The following PCDHA10 variants were observed in gnomAD, a reference collection of about 807,000 sequenced individuals.
PCDHA10 encodes the protein protocadherin alpha-10.
A neutral mutation model predicts 61.2 loss-of-function variants in PCDHA10; 45 were observed. That is an observed-to-expected ratio of 0.74 (90% confidence interval 0.58 to 0.94). PCDHA10 has a LOEUF of 0.94. Among genes scored for constraint, PCDHA10 ranks in the 40% least tolerant of loss-of-function variants. PCDHA10 has a pLI of 0.00. For missense variants in PCDHA10, 1,278 were observed against 1,236.2 expected, an observed-to-expected ratio of 1.03 and a Z score of -0.51; for synonymous variants, 602 against 548.8, an observed-to-expected ratio of 1.10 and a Z score of -1.35.
chr5:140,956,921 G>T (rs2095321008), intron 1 of PCDHA10, among the ~76,000 whole-genome samples: 1 of 151,968 alleles, frequency 6.6e-6, no homozygotes, highest in Admixed American at 6.6e-5. Context: ...CTTTAATCTT[G>T]CTGGATATAG....
At chr5:140,996,596 C>T (rs1343501273) in intron 3 of PCDHA10, among the ~76,000 whole-genome samples, 1 of 152,156 alleles carries the variant, frequency 6.6e-6, no homozygotes, top group Non-Finnish European at 1.5e-5. Flanking sequence ...CCGCCTCCCC[C>T]CATTTTCATT....
At chr5:140,978,301 C>T (rs1554239160) in intron 1 of PCDHA10, among the ~76,000 whole-genome samples, 1 of 152,168 alleles carries the variant, frequency 6.6e-6, no homozygotes, top group Admixed American at 6.5e-5. Flanking sequence ...GGAAAGCACT[C>T]AGGAAGGAGC....
At chr5:140,882,385 A>G in intron 1 of PCDHA10, 1 of 1,614,234 alleles carries the variant, frequency 6.2e-7, no homozygotes, top group Non-Finnish European at 8.5e-7. Flanking sequence ...CCGAGGAAGC[A>G]AAACACGGCA....
chr5:140,975,588 A>G (rs2096673583), intron 1 of PCDHA10, among the ~76,000 whole-genome samples: 1 of 152,210 alleles, frequency 6.6e-6, no homozygotes, highest in South Asian at 2.1e-4. Context: ...CATGTCCCAG[A>G]GGGCAATTTG....
chr5:140,875,450 C>A, intron 1 of PCDHA10: 1 of 1,590,616 alleles, frequency 6.3e-7, no homozygotes, highest in Non-Finnish European at 8.6e-7. Context: ...ATTGTCCCAA[C>A]TCAGAGGCCC....
At chr5:140,919,945 A>G (rs1456572905) in intron 1 of PCDHA10, among the ~76,000 whole-genome samples, 1 of 151,572 alleles carries the variant, frequency 6.6e-6, no homozygotes, top group Non-Finnish European at 1.5e-5. Flanking sequence ...ATTCCAGTGA[A>G]AAGTTTGTTT....
chr5:140,966,113 A>T (rs1224729629), intron 1 of PCDHA10: 1 of 155,768 alleles, frequency 6.4e-6, no homozygotes, highest in African/African-American at 2.4e-5. Flanking sequence ...GGGTGCCCAT[A>T]CTTAGCTAAG....
intron 1 of PCDHA10, among the ~76,000 whole-genome samples, chr5:140,969,822 G>C (rs559271640): frequency 2.0e-5 from 3 of 152,202 alleles, no homozygotes; most frequent in Non-Finnish European, 4.4e-5. Context: ...ACTCTGGACT[G>C]TCTACAGTGG....
intron 3 of PCDHA10, among the ~76,000 whole-genome samples, chr5:141,008,339 C>T (rs782805145): frequency 1.1e-4 from 16 of 152,176 alleles, no homozygotes; most frequent in Non-Finnish European, 1.5e-4. Context: ...TTTGATGGAG[C>T]TTTTCACGTG....
chr5:140,882,770 T>C (rs781904504), intron 1 of PCDHA10: 4 of 1,614,144 alleles, frequency 2.5e-6, no homozygotes, highest in Non-Finnish European at 3.4e-6. Flanking sequence ...AAACTCGGCA[T>C]TGACCTACCG....
At chr5:140,877,745 T>C (rs1554170071) in intron 1 of PCDHA10, 3 of 1,614,108 alleles carry the variant, frequency 1.9e-6, no homozygotes, top group Non-Finnish European at 2.5e-6. Context: ...AGGCAGAGGG[T>C]GTGCTCTGCA....
chr5:141,000,371 CT>C (rs2153963893), intron 3 of PCDHA10, among the ~76,000 whole-genome samples: 1 of 49,262 alleles, frequency 2.0e-5, no homozygotes, highest in East Asian at 6.6e-4. Context: ...GTCTCTCTCT[CT>C]CTCTCTCTCT....
chr5:140,929,140 C>T, intron 1 of PCDHA10: 1 of 1,614,176 alleles, frequency 6.2e-7, no homozygotes, highest in Non-Finnish European at 8.5e-7. Context: ...AGTTGAGAGA[C>T]TTTCTCAGAC....
intron 1 of PCDHA10, chr5:140,870,544 G>T: frequency 6.2e-7 from 1 of 1,614,124 alleles, no homozygotes. Context: ...GGCGCGGGAC[G>T]CGGACGCGCA....
At chr5:141,000,412 TATA>T (rs2097919742) in intron 3 of PCDHA10, among the ~76,000 whole-genome samples, 3 of 102,806 alleles carry the variant, frequency 2.9e-5, no homozygotes, top group African/African-American at 7.7e-5. Flanking sequence ...TATATATATA[TATA>T]TATATATTTT....
intron 1 of PCDHA10, chr5:140,866,360 T>C (rs2049301570): frequency 6.6e-6 from 1 of 152,128 alleles, no homozygotes; most frequent in South Asian, 2.1e-4. Context: ...GTTTACAATA[T>C]TGCATACTTC....
chr5:140,883,352 G>T (rs1554177776), intron 1 of PCDHA10: 1 of 1,614,164 alleles, frequency 6.2e-7, no homozygotes, highest in South Asian at 1.1e-5. Flanking sequence ...CATCAGAGAA[G>T]ACACTCAGCC....
At chr5:141,006,406 G>A (rs553100919) in intron 3 of PCDHA10, among the ~76,000 whole-genome samples, 1 of 152,050 alleles carries the variant, frequency 6.6e-6, no homozygotes, top group East Asian at 1.9e-4. Context: ...GTAGAGACGC[G>A]GTTTCACTGT....
At chr5:140,871,080 G>T (rs1554165086) in intron 1 of PCDHA10, 2 of 1,613,094 alleles carry the variant, frequency 1.2e-6, no homozygotes, top group Admixed American at 1.7e-5. Context: ...CGGCGCTGAC[G>T]GCCACGGCCA....
Sources: gnomAD v4.1 joint callset for allele counts (sites outside exome capture counted in the v4.1 genomes callset) on GRCh38, gnomAD v4.1.1 for gene constraint, MANE v1.5 for transcripts, NCBI Gene and HGNC (gene_info 2026-07-23, HGNC 2026-07-21) for gene names.